KCNAB1: variants seen among roughly 807,000 people sequenced by gnomAD.
The protein encoded by KCNAB1 is potassium voltage-gated channel subfamily A regulatory beta subunit 1, also known as voltage-gated potassium channel subunit beta-1.
In KCNAB1, 35 loss-of-function variants were observed where a neutral mutation model predicts 64.6. That is an observed-to-expected ratio of 0.54 (90% confidence interval 0.41 to 0.72). The LOEUF is 0.72. Among genes scored for constraint, KCNAB1 ranks in the 30% least tolerant of loss-of-function variants. The pLI, the probability that KCNAB1 is intolerant of heterozygous loss-of-function variation, is 0.00. For missense variants in KCNAB1, 401 were observed against 512.9 expected (o/e 0.78, Z 2.11); for synonymous variants, 177 against 183.8 (o/e 0.96, Z 0.30).
intron 1 of KCNAB1, among the ~76,000 whole-genome samples, chr3:156,371,290 G>A (rs1288800907): frequency 6.6e-6 from 1 of 152,142 alleles, no homozygotes; most frequent in Admixed American, 6.5e-5. Context: ...CCAGCTCTGT[G>A]ACCTTGTGAA....
At chr3:156,368,924 T>C (rs1726126477) in intron 1 of KCNAB1, among the ~76,000 whole-genome samples, 1 of 152,196 alleles carries the variant, frequency 6.6e-6, no homozygotes, top group Non-Finnish European at 1.5e-5. Flanking sequence ...CTATTGCTCT[T>C]TCTTTGCTTG....
chr3:156,366,702 C>T (rs1239442671), intron 1 of KCNAB1, among the ~76,000 whole-genome samples: 6 of 152,200 alleles, frequency 3.9e-5, no homozygotes, highest in Non-Finnish European at 7.3e-5. Flanking sequence ...TGCTGCATCA[C>T]CACCTAAGCC....
intron 1 of KCNAB1, among the ~76,000 whole-genome samples, chr3:156,221,701 C>A (rs563115171): frequency 6.6e-6 from 1 of 151,796 alleles, no homozygotes; most frequent in Non-Finnish European, 1.5e-5. Context: ...TTGCTTGAAT[C>A]TGGGAGGCAG....
chr3:156,417,476 G>C (rs1196368618), intron 1 of KCNAB1, among the ~76,000 whole-genome samples: 1 of 152,148 alleles, frequency 6.6e-6, no homozygotes, highest in Admixed American at 6.5e-5. Flanking sequence ...TATGCTTCTT[G>C]CTTGGTCAAA....
chr3:156,499,636 C>T (rs1440158567), intron 8 of KCNAB1, among the ~76,000 whole-genome samples: 2 of 152,078 alleles, frequency 1.3e-5, no homozygotes, highest in African/African-American at 4.8e-5. Context: ...AGCTTGGGGG[C>T]TAGTGGGTAG....
chr3:156,449,563 G>A (rs55754499), intron 2 of KCNAB1, among the ~76,000 whole-genome samples: 21,914 of 152,148 alleles, frequency 0.14, 2,582 homozygotes, highest in African/African-American at 0.33. Flanking sequence ...GTTTGATAAT[G>A]TCTAATCATA....
chr3:156,200,156 C>T (rs1239898606), intron 1 of KCNAB1, among the ~76,000 whole-genome samples: 1 of 152,224 alleles, frequency 6.6e-6, no homozygotes, highest in Admixed American at 6.5e-5. Flanking sequence ...GTGGAGGCTG[C>T]AGAACACCAA....
At chr3:156,272,557 T>G (rs1719097387) in intron 1 of KCNAB1, among the ~76,000 whole-genome samples, 1 of 151,998 alleles carries the variant, frequency 6.6e-6, no homozygotes, top group Admixed American at 6.6e-5. Context: ...GGCTTTTCAG[T>G]CTGCTTGTGG....
chr3:156,172,836 A>G (rs1364445859), intron 1 of KCNAB1, among the ~76,000 whole-genome samples: 30 of 152,226 alleles, frequency 2.0e-4, no homozygotes, highest in Admixed American at 1.9e-3. Context: ...TTTGCTAGCC[A>G]TGGAGAGAGC....
At chr3:156,392,924 A>T (rs1384642059) in intron 1 of KCNAB1, among the ~76,000 whole-genome samples, 1 of 152,168 alleles carries the variant, frequency 6.6e-6, no homozygotes. Context: ...TTACTTTCTC[A>T]TAGTTTCTTT....
At position 156,151,849 on chromosome 3, in the gene KCNAB1, G is replaced by C. The variant is rs188163278; in HGVS notation, c.275+30963G>C. ...CTCTTTGTGGCATTTTTTTACTCCA[G>C]TTGTACAGGATCAGTATTGGATGGC... On this transcript the variant is annotated intron_variant, in intron 1 of 13. Transcript: ENST00000490337. Among the ~76,000 whole-genome samples the C allele has an allele frequency of 1.1e-4, 17 of 152,184 alleles. 1 individual carries two copies. Among genetic ancestry groups the C allele is most frequent in the African/African-American group, 4.1e-4 (17 of 41,530 alleles).
chr3:156,190,182 C>T (rs1476567144), intron 1 of KCNAB1, among the ~76,000 whole-genome samples: 3 of 152,166 alleles, frequency 2.0e-5, no homozygotes, highest in Admixed American at 6.5e-5. Flanking sequence ...CTTCCTAAAG[C>T]ATTTGAAAGT....
intron 1 of KCNAB1, among the ~76,000 whole-genome samples, chr3:156,227,505 A>C (rs1202334696): frequency 6.6e-6 from 1 of 152,214 alleles, no homozygotes; most frequent in East Asian, 1.9e-4. Context: ...GTGTGTGTGT[A>C]CTATTTTTAT....
At chr3:156,314,392 G>T (rs1300820634) in intron 1 of KCNAB1, among the ~76,000 whole-genome samples, 1 of 152,160 alleles carries the variant, frequency 6.6e-6, no homozygotes, top group Non-Finnish European at 1.5e-5. Flanking sequence ...TCCCTATAAG[G>T]TTAGTGCTAT....
At chr3:156,343,536 A>G (rs191659971) in intron 1 of KCNAB1, among the ~76,000 whole-genome samples, 3 of 152,346 alleles carry the variant, frequency 2.0e-5, no homozygotes, top group Admixed American at 6.5e-5. Flanking sequence ...CTTCCGAGTC[A>G]GGGCCTTTTC....
intron 1 of KCNAB1, among the ~76,000 whole-genome samples, chr3:156,261,042 C>T (rs912126754): frequency 6.6e-6 from 1 of 152,070 alleles, no homozygotes; most frequent in African/African-American, 2.4e-5. Context: ...CACTTATTCT[C>T]TTTGGTAAAA....
At chr3:156,121,699 A>G (rs1713354886) in intron 1 of KCNAB1, among the ~76,000 whole-genome samples, 2 of 152,252 alleles carry the variant, frequency 1.3e-5, no homozygotes, top group African/African-American at 4.8e-5. Flanking sequence ...TAGAATAGCT[A>G]TGTTATTAAA....
At chr3:156,400,726 A>G (rs1713828681) in intron 1 of KCNAB1, among the ~76,000 whole-genome samples, 1 of 152,110 alleles carries the variant, frequency 6.6e-6, no homozygotes, top group Non-Finnish European at 1.5e-5. Context: ...GTCTATTCAA[A>G]TTTACTTCTG....
chr3:156,338,713 C>T (rs1576745213), intron 1 of KCNAB1, among the ~76,000 whole-genome samples: 1 of 152,222 alleles, frequency 6.6e-6, no homozygotes, highest in African/African-American at 2.4e-5. Flanking sequence ...GTCTCTATCC[C>T]TGACCATGTC....
Sources: gnomAD v4.1 joint callset for allele counts (sites outside exome capture counted in the v4.1 genomes callset) on GRCh38, gnomAD v4.1.1 for gene constraint, MANE v1.5 for transcripts, NCBI Gene and HGNC (gene_info 2026-07-23, HGNC 2026-07-21) for gene names.